Variants in RANBP2 observed in about 807,000 individuals in gnomAD.
RANBP2 encodes the protein RAN binding protein 2.
A neutral mutation model predicts 303.6 loss-of-function variants in RANBP2; 57 were observed. The observed-to-expected ratio is 0.19, with a 90% CI of 0.15 to 0.23. The LOEUF (loss-of-function observed/expected upper bound fraction) is 0.23, where lower values mean the gene tolerates loss of function less well. Among genes scored for constraint, RANBP2 ranks in the 10% least tolerant of loss-of-function variants. The probability of loss-of-function intolerance (pLI) is 1.00; values close to 1 mark genes in which losing one functional copy is unlikely to be tolerated. For synonymous variants in RANBP2, 1,167 were observed against 1,301.5 expected (o/e 0.90, Z 2.23); for missense variants, 3,138 against 3,780.8 (o/e 0.83, Z 4.46).
the RANBP2 span, among the ~76,000 whole-genome samples, chr2:108,976,752 AG>A: frequency 6.6e-6 from 1 of 151,822 alleles, no homozygotes; most frequent in Non-Finnish European, 1.5e-5. Flanking sequence ...GGTGACTGGG[AG>A]CTCTTTTAGT....
the RANBP2 span, among the ~76,000 whole-genome samples, chr2:109,154,186 C>G: frequency 9.2e-5 from 14 of 152,178 alleles, no homozygotes; most frequent in East Asian, 2.3e-3. Context: ...TGGGGCTCAG[C>G]AGATGGGTCT....
the RANBP2 span, among the ~76,000 whole-genome samples, chr2:109,661,462 G>A: frequency 2.0e-5 from 3 of 152,154 alleles, no homozygotes; most frequent in Non-Finnish European, 4.4e-5. Flanking sequence ...TGGCCAGGCT[G>A]CTCTCGAACT....
At chr2:108,898,587 T>TA in the RANBP2 span, among the ~76,000 whole-genome samples, 2 of 151,426 alleles carry the variant, frequency 1.3e-5, no homozygotes, top group African/African-American at 4.9e-5. Context: ...GTCAAATGAG[T>TA]AAAAAAAGAA....
chr2:109,403,240 T>G, the RANBP2 span, among the ~76,000 whole-genome samples: 3 of 152,194 alleles, frequency 2.0e-5, 1 homozygote, highest in Middle Eastern at 6.3e-3. Context: ...GAGGCTGGCC[T>G]CCTCCCCGCA....
the RANBP2 span, among the ~76,000 whole-genome samples, chr2:109,355,090 C>T: frequency 6.6e-6 from 1 of 152,208 alleles, no homozygotes; most frequent in African/African-American, 2.4e-5. Context: ...AGGAGAGCCA[C>T]TGCCATATGG....
chr2:109,670,721 A>G, the RANBP2 span, among the ~76,000 whole-genome samples: 2 of 152,188 alleles, frequency 1.3e-5, no homozygotes, highest in African/African-American at 4.8e-5. Flanking sequence ...CTGTGGGTCC[A>G]GGGCCTGTGC....
chr2:108,724,033 ATTCCT>A (rs1339810549), intron 1 of RANBP2, among the ~76,000 whole-genome samples: 1 of 152,096 alleles, frequency 6.6e-6, no homozygotes, highest in Admixed American at 6.5e-5. Flanking sequence ...CAGTTTGAGA[ATTCCT>A]TTCATCTTTT....
At chr2:109,647,554 C>T in the RANBP2 span, among the ~76,000 whole-genome samples, 6 of 151,724 alleles carry the variant, frequency 4.0e-5, no homozygotes, top group Middle Eastern at 3.4e-3. Context: ...CTGCAATCTC[C>T]GCCTCCCGGG....
chr2:109,408,643 A>C, the RANBP2 span, among the ~76,000 whole-genome samples: 8 of 152,232 alleles, frequency 5.3e-5, no homozygotes, highest in Non-Finnish European at 1.2e-4. Context: ...AATGCCCCGC[A>C]CTGGCACTCT....
chr2:109,180,866 G>T, the RANBP2 span, among the ~76,000 whole-genome samples: 1 of 152,204 alleles, frequency 6.6e-6, no homozygotes, highest in African/African-American at 2.4e-5. Flanking sequence ...GGCTTCAGGG[G>T]CTGAGTCCAG....
At chr2:109,129,681 C>T in the RANBP2 span, 4 of 1,524,392 alleles carry the variant, frequency 2.6e-6, no homozygotes, top group African/African-American at 2.8e-5. Flanking sequence ...AGGACATGGA[C>T]GAGTCGTCGC....
chr2:109,212,781 TGCC>T, the RANBP2 span, among the ~76,000 whole-genome samples: 1 of 152,018 alleles, frequency 6.6e-6, no homozygotes, highest in African/African-American at 2.4e-5. Context: ...CAGTTCCCTC[TGCC>T]CCTGGTATTT....
At chr2:109,615,775 C>A in the RANBP2 span, 1 of 1,614,150 alleles carries the variant, frequency 6.2e-7, no homozygotes, top group Non-Finnish European at 8.5e-7. Context: ...TACAAACTCT[C>A]ACACGCCCTA....
At chr2:108,883,674 G>T in the RANBP2 span, 2 of 152,280 alleles carry the variant, frequency 1.3e-5, no homozygotes, top group Non-Finnish European at 2.9e-5. Flanking sequence ...TCACTCGAGT[G>T]GGCTTCTTGC....
chr2:109,355,548 T>C, the RANBP2 span, among the ~76,000 whole-genome samples: 1 of 152,242 alleles, frequency 6.6e-6, no homozygotes, highest in African/African-American at 2.4e-5. Context: ...TCTGGCTCTT[T>C]CTAGAAAACG....
At chr2:108,971,084 G>A in the RANBP2 span, among the ~76,000 whole-genome samples, 3 of 152,190 alleles carry the variant, frequency 2.0e-5, no homozygotes, top group East Asian at 5.8e-4. Flanking sequence ...GTGCTCACTG[G>A]GGGATTCTTC....
chr2:109,378,418 G>A, the RANBP2 span, among the ~76,000 whole-genome samples: 1 of 152,192 alleles, frequency 6.6e-6, no homozygotes, highest in East Asian at 1.9e-4. Context: ...CCTGAGACGG[G>A]GTTGGAACAC....
chr2:109,099,229 T>C, the RANBP2 span, among the ~76,000 whole-genome samples: 1 of 152,226 alleles, frequency 6.6e-6, no homozygotes, highest in African/African-American at 2.4e-5. Flanking sequence ...CATGTTCACT[T>C]TGGGCGGAGA....
rs772131361 is a variant in RANBP2, at chr2:108,751,264, G to A, written c.1274G>A (p.Gly425Asp). 4.3e-6 allele frequency: 7 copies of A among 1,611,722 alleles called. No individual in the cohort carries two copies. Among genetic ancestry groups the A allele is most frequent in the Non-Finnish European group, 5.9e-6 (7 of 1,179,846 alleles). The change falls in exon 10 of 29, where the codon GGT becomes GAT. Residue 425 changes from glycine (G) to aspartate (D), a missense_variant and splice_region_variant. Coordinates refer to ENST00000283195, the MANE Select transcript of RANBP2 (RefSeq NM_006267.5). The part of the protein sequence containing the change: ...ELEDLTRYDV[G>D]AIRAHNGSLQ... The stretch of plus-strand genomic sequence containing the variant: ...AGCCAATTTTTTAATTTTATTTCAG[G>A]TGCTATTCGAGCACATAATGGTAGT...
Sources: gnomAD v4.1 joint callset for allele counts (sites outside exome capture counted in the v4.1 genomes callset) on GRCh38, gnomAD v4.1.1 for gene constraint, MANE v1.5 for transcripts, NCBI Gene and HGNC (gene_info 2026-07-23, HGNC 2026-07-21) for gene names.